GRIA4: variants seen among roughly 807,000 people sequenced by gnomAD.
GRIA4 encodes glutamate receptor 4.
In GRIA4, 34 loss-of-function variants were observed where a neutral mutation model predicts 104.0. The ratio of observed to expected loss-of-function variants is 0.33; its 90% CI spans 0.25 to 0.44. The LOEUF (loss-of-function observed/expected upper bound fraction) is 0.44, where lower values mean the gene tolerates loss of function less well. GRIA4 is among the 20% of genes least tolerant of loss of function. The pLI, the probability that GRIA4 is intolerant of heterozygous loss-of-function variation, is 1.00. For synonymous variants in GRIA4, 386 were observed against 381.9 expected, an observed-to-expected ratio of 1.01 and a Z score of -0.13; for missense variants, 750 against 1,096.5, an observed-to-expected ratio of 0.68 and a Z score of 4.46.
intron 4 of GRIA4, among the ~76,000 whole-genome samples, chr11:105,761,843 C>T (rs562846719): frequency 2.4e-4 from 36 of 152,090 alleles, no homozygotes; most frequent in Middle Eastern, 6.8e-3. Context: ...AATATGTGTA[C>T]AGATTTCCAT....
At chr11:105,732,027 A>C (rs1350750819) in intron 3 of GRIA4, among the ~76,000 whole-genome samples, 1 of 152,172 alleles carries the variant, frequency 6.6e-6, no homozygotes, top group Non-Finnish European at 1.5e-5. Context: ...AAGTATAATA[A>C]AAAATAAGAA....
intron 4 of GRIA4, among the ~76,000 whole-genome samples, chr11:105,759,357 C>G (rs1273779555): frequency 6.6e-6 from 1 of 152,054 alleles, no homozygotes; most frequent in Non-Finnish European, 1.5e-5. Context: ...AATATAAATT[C>G]GTGATAGCTT....
chr11:105,742,655 G>A (rs1006603642), intron 3 of GRIA4, among the ~76,000 whole-genome samples: 1 of 151,698 alleles, frequency 6.6e-6, no homozygotes, highest in South Asian at 2.1e-4. Context: ...ACCCTTTAAA[G>A]TCATATTCCT....
chr11:105,827,901 CT>C (rs1302124131), intron 4 of GRIA4, among the ~76,000 whole-genome samples: 2 of 152,002 alleles, frequency 1.3e-5, no homozygotes, highest in Non-Finnish European at 2.9e-5. Flanking sequence ...TAAGCAGATT[CT>C]GCCAAACACT....
At chr11:105,804,341 CACAA>C (rs1440706845) in intron 4 of GRIA4, among the ~76,000 whole-genome samples, 2 of 131,336 alleles carry the variant, frequency 1.5e-5, no homozygotes, top group Non-Finnish European at 3.3e-5. Flanking sequence ...TATTAAAACA[CACAA>C]ACACACATGC....
intron 3 of GRIA4, among the ~76,000 whole-genome samples, chr11:105,627,703 C>T (rs1950922970): frequency 6.6e-6 from 1 of 152,174 alleles, no homozygotes; most frequent in South Asian, 2.1e-4. Flanking sequence ...ATGTATCTTC[C>T]GAACTGCAAA....
intron 10 of GRIA4, chr11:105,911,775 A>AATATATAT (rs60005308): frequency 0.028 from 2,062 of 74,476 alleles, 135 homozygotes; most frequent in African/African-American, 0.057. Flanking sequence ...CTTGAAAAGC[A>AATATATAT]ATATATATAT....
chr11:105,748,099 G>A (rs1591186490), intron 3 of GRIA4, among the ~76,000 whole-genome samples: 1 of 152,264 alleles, frequency 6.6e-6, no homozygotes, highest in East Asian at 1.9e-4. Context: ...GATTTCTTCT[G>A]CTCATGATTT....
chr11:105,870,986 T>G (rs1025272029), intron 5 of GRIA4, among the ~76,000 whole-genome samples: 5 of 152,040 alleles, frequency 3.3e-5, no homozygotes, highest in Non-Finnish European at 5.9e-5. Flanking sequence ...TTTTTTATAG[T>G]CACATTTATA....
chr11:105,668,092 C>T (rs1952224516), intron 3 of GRIA4, among the ~76,000 whole-genome samples: 1 of 151,056 alleles, frequency 6.6e-6, no homozygotes, highest in Non-Finnish European at 1.5e-5. Context: ...TGAGATCATG[C>T]AGTATTTGTC....
intron 3 of GRIA4, among the ~76,000 whole-genome samples, chr11:105,734,444 A>T (rs1175525607): frequency 6.6e-6 from 1 of 152,116 alleles, no homozygotes; most frequent in Non-Finnish European, 1.5e-5. Context: ...TACCAGGATC[A>T]AGTTCCCTAG....
intron 5 of GRIA4, among the ~76,000 whole-genome samples, chr11:105,874,759 A>C (rs1477124302): frequency 7.9e-5 from 12 of 152,114 alleles, no homozygotes; most frequent in African/African-American, 2.2e-4. Context: ...TTTGCACTTG[A>C]TTTTGTATCC....
chr11:105,622,268 A>G (rs1393108725), intron 3 of GRIA4, among the ~76,000 whole-genome samples: 1 of 151,746 alleles, frequency 6.6e-6, no homozygotes, highest in Non-Finnish European at 1.5e-5. Context: ...CATTTTTTCT[A>G]GCATTTTTAT....
chr11:105,919,972 G>A (rs1056802489), intron 11 of GRIA4, among the ~76,000 whole-genome samples: 1 of 152,080 alleles, frequency 6.6e-6, no homozygotes, highest in Non-Finnish European at 1.5e-5. Flanking sequence ...GAAGTCCTAG[G>A]AGGGACTCAC....
chr11:105,705,715 C>T (rs139521323), intron 3 of GRIA4, among the ~76,000 whole-genome samples: 1 of 152,190 alleles, frequency 6.6e-6, no homozygotes, highest in Non-Finnish European at 1.5e-5. Context: ...GCAGTTCCCA[C>T]CTATTACATG....
chr11:105,795,635 T>C (rs1942448307), intron 4 of GRIA4, among the ~76,000 whole-genome samples: 1 of 151,976 alleles, frequency 6.6e-6, no homozygotes, highest in South Asian at 2.1e-4. Context: ...AAAAGATCAC[T>C]CTGGAGAGAA....
chr11:105,912,536 ATATATATATTTATATATATATATAAAG>A (rs1228402853), intron 10 of GRIA4: 1 of 260,950 alleles, frequency 3.8e-6, no homozygotes, highest in Admixed American at 6.8e-5. Flanking sequence ...ATATATAAAT[ATATATATATTTATATATATATATAAAG>A]GATATTCTGT....
chr11:105,661,814 A>C (rs1952018905), intron 3 of GRIA4, among the ~76,000 whole-genome samples: 1 of 151,782 alleles, frequency 6.6e-6, no homozygotes, highest in Non-Finnish European at 1.5e-5. Context: ...ACAGGACTAG[A>C]GAAAGATAGG....
chr11:105,866,752 A>G (rs369799231), intron 5 of GRIA4, among the ~76,000 whole-genome samples: 26 of 151,880 alleles, frequency 1.7e-4, no homozygotes, highest in East Asian at 1.4e-3. Flanking sequence ...GAAAGTGATA[A>G]AGGATCTTAC....
Sources: allele counts gnomAD v4.1 joint callset (sites outside exome capture counted in the v4.1 genomes callset), GRCh38; gene constraint gnomAD v4.1.1; transcripts MANE v1.5; gene names NCBI Gene and HGNC (gene_info 2026-07-23, HGNC 2026-07-21).